The following CDKL4 variants were observed in gnomAD, a reference collection of about 807,000 sequenced individuals.
CDKL4 encodes the protein cyclin dependent kinase like 4.
Under a neutral mutation model 42.0 loss-of-function variants are expected in CDKL4, and 44 were observed. The observed-to-expected ratio is 1.05, with a 90% CI of 0.82 to 1.35. The LOEUF (loss-of-function observed/expected upper bound fraction) is 1.35. Among genes scored for constraint, CDKL4 ranks in the 40% most tolerant of loss-of-function variants. CDKL4 has a pLI of 0.00. For synonymous variants in CDKL4, 120 were observed against 121.6 expected (o/e 0.99, Z 0.09); for missense variants, 393 against 369.9 (o/e 1.06, Z -0.51).
intron 5 of CDKL4, among the ~76,000 whole-genome samples, chr2:39,200,187 T>C (rs1048783407): frequency 6.6e-5 from 10 of 152,012 alleles, no homozygotes; most frequent in Admixed American, 3.3e-4. Flanking sequence ...CCCCGCTATA[T>C]ACCAACAACA....
chr2:39,239,717 A>G (rs72921062), intron 1 of CDKL4, among the ~76,000 whole-genome samples: 3,772 of 152,324 alleles, frequency 0.025, 143 homozygotes, highest in African/African-American at 0.087. Context: ...ATAAGATGGA[A>G]ACTGGAACTC....
At chr2:39,206,675 A>T (rs1677217474) in intron 4 of CDKL4, among the ~76,000 whole-genome samples, 1 of 152,228 alleles carries the variant, frequency 6.6e-6, no homozygotes, top group Admixed American at 6.5e-5. Context: ...CCTCACAGGG[A>T]ACTCTGTACT....
At chr2:39,229,243 G>T in intron 2 of CDKL4, 122 bp downstream of exon 2, 1 of 688,650 alleles carries the variant, frequency 1.5e-6, no homozygotes, top group Non-Finnish European at 2.4e-6. Flanking sequence ...ATTACCCAAA[G>T]GTGCTGATAC....
chr2:39,185,405 TGTATATATAC>T (rs1295945479), intron 7 of CDKL4, among the ~76,000 whole-genome samples: 1 of 13,296 alleles, frequency 7.5e-5, no homozygotes, highest in African/African-American at 1.6e-4. Flanking sequence ...TATACATATG[TGTATATATAC>T]ATATATATAT....
chr2:39,180,986 C>T (rs1052234166), intron 8 of CDKL4, among the ~76,000 whole-genome samples: 3 of 152,222 alleles, frequency 2.0e-5, no homozygotes, highest in African/African-American at 4.8e-5. Context: ...TGCACCTGGC[C>T]AGAAATACTA....
At chr2:39,169,288 T>C in the CDKL4 span, among the ~76,000 whole-genome samples, 1 of 152,200 alleles carries the variant, frequency 6.6e-6, no homozygotes, top group East Asian at 1.9e-4. Context: ...AATCTAGTGA[T>C]AATTAGCTTC....
intron 7 of CDKL4, among the ~76,000 whole-genome samples, chr2:39,185,683 G>A (rs1038639818): frequency 1.3e-5 from 2 of 151,298 alleles, no homozygotes; most frequent in Admixed American, 6.6e-5. Flanking sequence ...GGATGGTCTC[G>A]ATCTCCCGAC....
At chr2:39,180,548 G>A (rs1675377701) in intron 8 of CDKL4, among the ~76,000 whole-genome samples, 1 of 152,122 alleles carries the variant, frequency 6.6e-6, no homozygotes, top group Non-Finnish European at 1.5e-5. Context: ...AGACTTACTG[G>A]TCCCTCCTTG....
intron 1 of CDKL4, among the ~76,000 whole-genome samples, chr2:39,243,522 A>G (rs933098832): frequency 6.6e-6 from 1 of 152,248 alleles, no homozygotes; most frequent in Non-Finnish European, 1.5e-5. Context: ...TCAAGCACAA[A>G]TCCACTTTAT....
At chr2:39,229,747 G>C (rs1171464100) in intron 1 of CDKL4, among the ~76,000 whole-genome samples, 159 bp from the exon 2 acceptor site, 1 of 152,164 alleles carries the variant, frequency 6.6e-6, no homozygotes, top group African/African-American at 2.4e-5. Context: ...GTTTAGTTTA[G>C]TCCTCTGCAG....
At chr2:39,225,786 G>A in intron 3 of CDKL4, 53 bp downstream of exon 3, 2 of 1,543,982 alleles carry the variant, frequency 1.3e-6, no homozygotes. Flanking sequence ...TAATTCCACA[G>A]AAAATGAAAC....
intron 5 of CDKL4, among the ~76,000 whole-genome samples, chr2:39,197,848 T>C (rs1182012393): frequency 1.3e-5 from 2 of 150,060 alleles, no homozygotes; most frequent in African/African-American, 5.1e-5. Flanking sequence ...GCTCTAAATC[T>C]TGAAACAAAT....
At chr2:39,173,723 T>C (rs1261812814), downstream of CDKL4, among the ~76,000 whole-genome samples, 1 of 147,042 alleles carries the variant, frequency 6.8e-6, no homozygotes, top group Non-Finnish European at 1.5e-5. Context: ...GGCAGGAGAA[T>C]GGCGTGAACC....
chr2:39,225,724 T>C (rs186572739), intron 3 of CDKL4, 115 bp downstream of exon 3: 1 of 991,970 alleles, frequency 1.0e-6, no homozygotes, highest in Non-Finnish European at 1.4e-6. Flanking sequence ...GGTAGCCAGA[T>C]GCATTGTGGT....
At chr2:39,221,411 T>C (rs1346642034) in intron 3 of CDKL4, among the ~76,000 whole-genome samples, 1 of 152,186 alleles carries the variant, frequency 6.6e-6, no homozygotes, top group Non-Finnish European at 1.5e-5. Flanking sequence ...ACTAGCTGGT[T>C]GTTTATCTCT....
At chr2:39,173,531 C>T (rs561745429), downstream of CDKL4, among the ~76,000 whole-genome samples, 45 of 151,820 alleles carry the variant, frequency 3.0e-4, 1 homozygote, top group Admixed American at 2.1e-3. Flanking sequence ...TAGCTGGAGC[C>T]GGGCGCGGTG....
intron 3 of CDKL4, among the ~76,000 whole-genome samples, chr2:39,225,293 G>A (rs190560217): frequency 4.6e-5 from 7 of 151,996 alleles, no homozygotes; most frequent in African/African-American, 7.2e-5. Flanking sequence ...CCAGCTACTC[G>A]GGAGGCAGAG....
intron 1 of CDKL4, among the ~76,000 whole-genome samples, chr2:39,235,248 G>A (rs1679308177): frequency 6.6e-6 from 1 of 152,102 alleles, no homozygotes; most frequent in African/African-American, 2.4e-5. Flanking sequence ...TTGGTGAAAG[G>A]CCTTCATCCA....
At chr2:39,223,705 T>G (rs549080182) in intron 3 of CDKL4, among the ~76,000 whole-genome samples, 1 of 151,514 alleles carries the variant, frequency 6.6e-6, no homozygotes, top group African/African-American at 2.4e-5. Flanking sequence ...CTTCACCTCT[T>G]GAGCTCAAGT....
Sources: gnomAD v4.1 joint callset for allele counts (sites outside exome capture counted in the v4.1 genomes callset) on GRCh38, gnomAD v4.1.1 for gene constraint, MANE v1.5 for transcripts, NCBI Gene and HGNC (gene_info 2026-07-23, HGNC 2026-07-21) for gene names.